Variants in NPAS3 observed in about 807,000 individuals in gnomAD.
NPAS3 encodes neuronal PAS domain-containing protein 3.
NPAS3 carries 14 observed loss-of-function variants against 73.1 expected under a neutral mutation model. The observed-to-expected ratio is 0.19, with a 90% CI of 0.13 to 0.30. The LOEUF (loss-of-function observed/expected upper bound fraction) is 0.30. Ranked by LOEUF, NPAS3 falls within the 10% of genes least tolerant of loss-of-function variation. NPAS3 has a pLI of 1.00. For missense variants in NPAS3, 1,096 were observed against 1,250.0 expected, an observed-to-expected ratio of 0.88 and a Z score of 1.86; for synonymous variants, 620 against 541.5, an observed-to-expected ratio of 1.14 and a Z score of -2.01.
chr14:33,749,724 G>T (rs901820654), intron 7 of NPAS3, among the ~76,000 whole-genome samples: 7 of 152,054 alleles, frequency 4.6e-5, no homozygotes, highest in Admixed American at 1.3e-4. Flanking sequence ...GCACCTCCAG[G>T]TTCTCATGCA....
At chr14:33,140,086 G>A (rs778933528) in intron 2 of NPAS3, among the ~76,000 whole-genome samples, 5 of 151,742 alleles carry the variant, frequency 3.3e-5, no homozygotes, top group East Asian at 1.9e-4. Flanking sequence ...AACATTTTTC[G>A]GTAGGCCTAT....
At chr14:33,534,960 C>T (rs1369950365) in intron 4 of NPAS3, among the ~76,000 whole-genome samples, 3 of 152,114 alleles carry the variant, frequency 2.0e-5, no homozygotes, top group African/African-American at 7.2e-5. Flanking sequence ...GGACATAATG[C>T]TCATCATAAG....
chr14:32,987,196 G>T (rs2038134549), intron 1 of NPAS3, among the ~76,000 whole-genome samples: 1 of 151,392 alleles, frequency 6.6e-6, no homozygotes. Context: ...TGCACATTGA[G>T]TGACTAAAAA....
At chr14:33,164,071 A>C (rs1237683794) in intron 2 of NPAS3, among the ~76,000 whole-genome samples, 1 of 152,228 alleles carries the variant, frequency 6.6e-6, no homozygotes, top group Non-Finnish European at 1.5e-5. Flanking sequence ...TGCACGGCCA[A>C]ATATTTCAAA....
chr14:33,504,251 T>C (rs1272726714), intron 4 of NPAS3, among the ~76,000 whole-genome samples: 1 of 152,006 alleles, frequency 6.6e-6, no homozygotes, highest in Non-Finnish European at 1.5e-5. Context: ...TGAATTCCTC[T>C]GTGAGCTGAC....
rs928668764 is a variant in NPAS3 at position 33,367,088 on chromosome 14, A to G, written c.386-98A>G. The G allele has an allele frequency of 1.3e-5, 8 of 609,344 alleles. No individual in the cohort carries two copies. The African/African-American group carries it at 1.5e-4, about 11-fold the overall frequency. 37.7% of individuals were successfully genotyped at this position (609,344 alleles called of 1,614,324 possible). A position where few individuals can be genotyped will look rare whatever the true frequency, so the allele number is the denominator to read the frequency against. On this transcript the variant is annotated intron_variant, in intron 3 of 11. Coordinates refer to ENST00000356141, the Ensembl canonical transcript of NPAS3. Reference sequence around the variant, plus strand: ...GTGGTTCAGATCTCATTGTAATACTAAATAGTCAATGATGCCATTCAAGAG... The same window carrying G: ...GTGGTTCAGATCTCATTGTAATACTGAATAGTCAATGATGCCATTCAAGAG...
At chr14:33,374,016 A>G (rs1168982680) in intron 4 of NPAS3, among the ~76,000 whole-genome samples, 2 of 152,064 alleles carry the variant, frequency 1.3e-5, no homozygotes, top group Non-Finnish European at 2.9e-5. Flanking sequence ...TCAGGACACA[A>G]ATGTGTCCTG....
At chr14:33,303,296 A>G (rs1179505020) in intron 3 of NPAS3, among the ~76,000 whole-genome samples, 1 of 152,154 alleles carries the variant, frequency 6.6e-6, no homozygotes, top group African/African-American at 2.4e-5. Context: ...AGCCAATTAT[A>G]GATTTATAAT....
chr14:33,674,997 G>A (rs1043985552), intron 5 of NPAS3, among the ~76,000 whole-genome samples: 1 of 152,120 alleles, frequency 6.6e-6, no homozygotes, highest in African/African-American at 2.4e-5. Context: ...GCACGCAGGT[G>A]GAATCTGGAG....
At chr14:33,131,644 C>T (rs2043638747) in intron 2 of NPAS3, among the ~76,000 whole-genome samples, 1 of 152,128 alleles carries the variant, frequency 6.6e-6, no homozygotes, top group South Asian at 2.1e-4. Flanking sequence ...GAAAATACGG[C>T]AAACTCATCC....
chr14:33,511,771 T>C (rs908685429), intron 4 of NPAS3, among the ~76,000 whole-genome samples: 1 of 152,124 alleles, frequency 6.6e-6, no homozygotes, highest in Non-Finnish European at 1.5e-5. Flanking sequence ...CTACTTGTCC[T>C]TGTATAGAAA....
intron 1 of NPAS3, among the ~76,000 whole-genome samples, chr14:33,019,804 A>G (rs775444996): frequency 2.0e-5 from 3 of 152,224 alleles, no homozygotes; most frequent in Non-Finnish European, 4.4e-5. Flanking sequence ...GAAGGGACAG[A>G]TTAACATTTT....
intron 5 of NPAS3, among the ~76,000 whole-genome samples, chr14:33,576,776 C>A: frequency 6.6e-6 from 1 of 152,172 alleles, no homozygotes; most frequent in African/African-American, 2.4e-5. Flanking sequence ...GCGTCTCCTG[C>A]TGTTTGCGAG....
chr14:33,528,733 A>G (rs2053913688), intron 4 of NPAS3, among the ~76,000 whole-genome samples: 1 of 152,132 alleles, frequency 6.6e-6, no homozygotes, highest in Non-Finnish European at 1.5e-5. Flanking sequence ...AAAGTAATGA[A>G]CAACTTCCAC....
At chr14:33,347,302 T>C (rs1246748991) in intron 3 of NPAS3, among the ~76,000 whole-genome samples, 1 of 152,216 alleles carries the variant, frequency 6.6e-6, no homozygotes, top group Non-Finnish European at 1.5e-5. Context: ...GGAAAAGAAC[T>C]CACAACATCT....
intron 3 of NPAS3, among the ~76,000 whole-genome samples, chr14:33,234,092 G>C (rs2047946822): frequency 6.6e-6 from 1 of 152,110 alleles, no homozygotes; most frequent in African/African-American, 2.4e-5. Context: ...AGGGGTCCTT[G>C]AAAGTTATAA....
At chr14:33,769,411 T>C (rs1267377551) in intron 7 of NPAS3, among the ~76,000 whole-genome samples, 1 of 152,228 alleles carries the variant, frequency 6.6e-6, no homozygotes, top group African/African-American at 2.4e-5. Context: ...ATTTAGTCTA[T>C]TGTCGTCATC....
chr14:33,316,234 A>G (rs891750180), intron 3 of NPAS3, among the ~76,000 whole-genome samples: 17 of 152,228 alleles, frequency 1.1e-4, no homozygotes, highest in Non-Finnish European at 1.8e-4. Flanking sequence ...CAAAGTTTGC[A>G]TAACAGGTTT....
chr14:33,174,225 C>T (rs896737151), intron 2 of NPAS3, among the ~76,000 whole-genome samples: 2 of 152,150 alleles, frequency 1.3e-5, no homozygotes, highest in Non-Finnish European at 2.9e-5. Context: ...TATGACTTAT[C>T]CTATACACTG....
Sources: allele counts gnomAD v4.1 joint callset (sites outside exome capture counted in the v4.1 genomes callset), GRCh38; gene constraint gnomAD v4.1.1; transcripts MANE v1.5; gene names NCBI Gene and HGNC (gene_info 2026-07-23, HGNC 2026-07-21).